Variants in AP3S1 observed in about 807,000 individuals in gnomAD.
AP3S1 encodes the protein AP-3 complex subunit sigma-1.
AP3S1 carries 12 observed loss-of-function variants against 21.3 expected under a neutral mutation model. The observed-to-expected ratio is 0.56, with a 90% CI of 0.36 to 0.91. AP3S1 has a LOEUF of 0.91. AP3S1 is among the 40% of genes least tolerant of loss of function. The pLI, the probability that AP3S1 is intolerant of heterozygous loss-of-function variation, is 0.01. For missense variants in AP3S1, 116 were observed against 225.0 expected (o/e 0.52, Z 3.10); for synonymous variants, 48 against 78.4 (o/e 0.61, Z 2.05).
intron 3 of AP3S1, among the ~76,000 whole-genome samples, chr5:115,881,158 C>T (rs901342614): frequency 1.3e-5 from 2 of 151,944 alleles, no homozygotes; most frequent in Admixed American, 6.6e-5. Flanking sequence ...ATCCAGTTTG[C>T]CCATCTGTGT....
chr5:115,900,983 G>A (rs962346386), intron 4 of AP3S1, among the ~76,000 whole-genome samples: 1 of 152,080 alleles, frequency 6.6e-6, no homozygotes, highest in Admixed American at 6.5e-5. Flanking sequence ...ATAAAAATAT[G>A]TGTCTAATAA....
intron 4 of AP3S1, among the ~76,000 whole-genome samples, chr5:115,897,194 T>A (rs1033051753): frequency 6.6e-6 from 1 of 152,220 alleles, no homozygotes; most frequent in Non-Finnish European, 1.5e-5. Context: ...ACAAATAATC[T>A]TTAAACAAAT....
At chr5:115,848,714 T>C (rs891840625) in intron 1 of AP3S1, among the ~76,000 whole-genome samples, 1 of 152,214 alleles carries the variant, frequency 6.6e-6, no homozygotes, top group African/African-American at 2.4e-5. Flanking sequence ...TTCTGAGTTG[T>C]TACCATCTAG....
intron 5 of AP3S1, among the ~76,000 whole-genome samples, chr5:115,911,685 G>A (rs571299507): frequency 1.3e-5 from 2 of 152,006 alleles, no homozygotes; most frequent in South Asian, 4.1e-4. Flanking sequence ...AATTTTGGTA[G>A]CTAGACCTTT....
intron 1 of AP3S1, among the ~76,000 whole-genome samples, chr5:115,858,554 AC>A (rs1329157546): frequency 6.6e-6 from 1 of 151,686 alleles, no homozygotes; most frequent in East Asian, 1.9e-4. Context: ...GAAACTTTTG[AC>A]CCCTGCTGGA....
At chr5:115,891,397 A>G (rs1750288064) in intron 3 of AP3S1, among the ~76,000 whole-genome samples, 1 of 152,146 alleles carries the variant, frequency 6.6e-6, no homozygotes, top group South Asian at 2.1e-4. Flanking sequence ...CCCATGACAC[A>G]GTCCCACAAG....
intron 3 of AP3S1, among the ~76,000 whole-genome samples, chr5:115,872,273 C>A (rs982517463): frequency 1.3e-5 from 2 of 151,746 alleles, no homozygotes; most frequent in Non-Finnish European, 2.9e-5. Flanking sequence ...CAGAGTGAGA[C>A]CCTGTCTCAA....
In AP3S1 at chr5:115,866,684, A is replaced by G. The variant is rs745712706; in HGVS notation, c.84A>G (p.Gln28=). Reference sequence around the variant, plus strand: ...TTCTTCCTCAGAGTGAAGATACACAACAGCAAATCATCAGGGAGACTTTCC... The same window carrying G: ...TTCTTCCTCAGAGTGAAGATACACAGCAGCAAATCATCAGGGAGACTTTCC... ...KFYQPYSEDT[Q]QQIIRETFHL... is the part of the protein sequence containing the mutation. The change falls in exon 2 of 6, where the codon CAA becomes CAG. Residue 28 remains glutamine (Q), a synonymous_variant. Transcript: ENST00000316788. 1.2e-5 allele frequency: 19 copies of G among 1,602,020 alleles called. No individual in the cohort carries two copies. The Admixed American group carries it at 2.2e-4, about 18-fold the overall frequency.
intron 5 of AP3S1, among the ~76,000 whole-genome samples, chr5:115,905,409 G>A (rs375954730): frequency 1.3e-5 from 2 of 152,100 alleles, no homozygotes; most frequent in Non-Finnish European, 2.9e-5. Context: ...TGATCATCTC[G>A]CATCATACAT....
chr5:115,888,052 T>C (rs2112892828), intron 3 of AP3S1, among the ~76,000 whole-genome samples: 1 of 152,264 alleles, frequency 6.6e-6, no homozygotes, highest in South Asian at 2.1e-4. Flanking sequence ...TTTTGTAAAT[T>C]GGAAGTAATT....
chr5:115,910,702 T>C (rs865793645), intron 5 of AP3S1, among the ~76,000 whole-genome samples: 1 of 152,314 alleles, frequency 6.6e-6, no homozygotes, highest in Middle Eastern at 3.4e-3. Context: ...AAGTCTTTTT[T>C]TTTAGCCCTA....
At chr5:115,852,689 A>G (rs1762523235) in intron 1 of AP3S1, among the ~76,000 whole-genome samples, 1 of 152,126 alleles carries the variant, frequency 6.6e-6, no homozygotes, top group Non-Finnish European at 1.5e-5. Flanking sequence ...TCTATTCTGA[A>G]CATTCTATAT....
At chr5:115,862,346 G>T (rs944668489) in intron 1 of AP3S1, among the ~76,000 whole-genome samples, 6 of 152,110 alleles carry the variant, frequency 3.9e-5, no homozygotes, top group Admixed American at 6.5e-5. Flanking sequence ...AAACTTTGGA[G>T]ATATGTTATC....
At chr5:115,890,966 T>C (rs2112532875) in intron 3 of AP3S1, among the ~76,000 whole-genome samples, 1 of 152,330 alleles carries the variant, frequency 6.6e-6, no homozygotes, top group South Asian at 2.1e-4. Context: ...AAAAAGTTAA[T>C]ATTTGTTAAT....
chr5:115,845,833 T>C (rs1480671100), intron 1 of AP3S1, among the ~76,000 whole-genome samples: 1 of 50,680 alleles, frequency 2.0e-5, no homozygotes, highest in Non-Finnish European at 3.4e-5. Context: ...TGAGACTCCA[T>C]CTCAAAAAAA....
intron 4 of AP3S1, among the ~76,000 whole-genome samples, chr5:115,899,389 A>G (rs1027193358): frequency 6.6e-6 from 1 of 152,238 alleles, no homozygotes; most frequent in Non-Finnish European, 1.5e-5. Context: ...ACAATCAGAA[A>G]TTACGCTCCA....
chr5:115,887,579 A>C (rs1310196586), intron 3 of AP3S1, among the ~76,000 whole-genome samples: 1 of 152,096 alleles, frequency 6.6e-6, no homozygotes, highest in Non-Finnish European at 1.5e-5. Context: ...TGGTATTATA[A>C]TACTAGCTAA....
chr5:115,856,298 TC>T (rs1251617362), intron 1 of AP3S1, among the ~76,000 whole-genome samples: 1 of 152,226 alleles, frequency 6.6e-6, no homozygotes, highest in East Asian at 1.9e-4. Flanking sequence ...AGGCATTCTT[TC>T]CTATATTGTT....
intron 1 of AP3S1, among the ~76,000 whole-genome samples, chr5:115,844,330 T>C (rs1317972145): frequency 6.6e-6 from 1 of 152,172 alleles, no homozygotes; most frequent in African/African-American, 2.4e-5. Context: ...GGCTGTATTA[T>C]AGCATGCCAG....
Sources: gnomAD v4.1 joint callset for allele counts (sites outside exome capture counted in the v4.1 genomes callset) on GRCh38, gnomAD v4.1.1 for gene constraint, MANE v1.5 for transcripts, NCBI Gene and HGNC (gene_info 2026-07-23, HGNC 2026-07-21) for gene names.